The following PLXNB2 variants were observed in gnomAD, a reference collection of about 807,000 sequenced individuals.
PLXNB2 encodes plexin B2.
In PLXNB2, 85 loss-of-function variants were observed where a neutral mutation model predicts 202.6. The observed-to-expected ratio is 0.42, with a 90% CI of 0.35 to 0.50. The LOEUF is 0.50. Ranked by LOEUF, PLXNB2 falls within the 20% of genes least tolerant of loss-of-function variation. The probability of loss-of-function intolerance (pLI) is 0.02; values close to 1 mark genes in which losing one functional copy is unlikely to be tolerated. For synonymous variants in PLXNB2, 1,239 were observed against 1,137.6 expected, an observed-to-expected ratio of 1.09 and a Z score of -1.79; for missense variants, 2,063 against 2,586.2, an observed-to-expected ratio of 0.80 and a Z score of 4.39.
rs762483342 is a variant in PLXNB2 at position 50,280,724 on chromosome 22, C to A, written c.3993+20G>T. On this transcript the variant is annotated intron_variant, in intron 24 of 36. Coordinates refer to ENST00000359337, the MANE Select transcript of PLXNB2 (RefSeq NM_012401.4). ...CGGCGCCACCTGTGTGCCCTCCCGC[C>A]CGCCCGACGCCTGGCTCACATTGAT... 2 of 1,569,160 alleles carry A rather than the reference C, an allele frequency of 1.3e-6. No homozygotes were observed. Among genetic ancestry groups the A allele is most frequent in the East Asian group, 2.3e-5 (1 of 42,730 alleles).
intron 6 of PLXNB2, 26 bp downstream of exon 6, chr22:50,287,911 G>C (rs1331426214): frequency 1.3e-6 from 2 of 1,579,714 alleles, no homozygotes; most frequent in Non-Finnish European, 8.6e-7. Context: ...GGCAGGCCGT[G>C]TCCCCGAGCC....
chr22:50,307,487 T>C, intron 1 of PLXNB2, 66 bp downstream of exon 1: 1 of 880,692 alleles, frequency 1.1e-6, no homozygotes, highest in South Asian at 5.2e-5. Context: ...GGAGCGGCGC[T>C]GACGGCGAAG....
intron 1 of PLXNB2, among the ~76,000 whole-genome samples, chr22:50,305,153 A>AG (rs1274331507): frequency 2.0e-5 from 3 of 152,222 alleles, no homozygotes; most frequent in Non-Finnish European, 2.9e-5. Context: ...CCCGCGTCCC[A>AG]GGGGGACCAT....
rs1349059951 is a variant in PLXNB2, at chr22:50,291,022, C to A, written c.-13-425G>T. On this transcript the variant is annotated intron_variant, in intron 2 of 36. Coordinates refer to ENST00000359337, the MANE Select transcript of PLXNB2 (RefSeq NM_012401.4). This position sits in a 1 kb window ranked among gnomAD's most constrained non-coding sequence, Gnocchi z 4.3. ...GCCCCAGCGCACAGGCTCAGGCTGACAGACAGACCCCTGGACGTTGGAACA... is the reference window on the plus strand; with the variant it reads ...GCCCCAGCGCACAGGCTCAGGCTGAAAGACAGACCCCTGGACGTTGGAACA... 6.6e-6 allele frequency among the ~76,000 whole-genome samples: 1 copy of A among 152,172 alleles called. No individual in the cohort carries two copies. Among genetic ancestry groups the A allele is most frequent in the Non-Finnish European group, 1.5e-5 (1 of 68,024 alleles).
chr22:50,275,743 C>A lies in PLXNB2; in HGVS notation c.5478G>T (p.Gln1826His). The A allele has an allele frequency of 6.2e-7, 1 of 1,611,944 alleles. No individual in the cohort carries two copies. The highest frequency in any genetic ancestry group is 8.5e-7 in the Non-Finnish European group (1 of 1,179,436). The change falls in exon 37 of 37, where the codon CAG (glutamine) becomes CAT (histidine). Residue 1826 changes from glutamine (Q) to histidine (H), a missense_variant. Transcript: ENST00000359337. ...CCTTGTTCTCCAGTGCAGCGGCAAT[C>A]TGCTGCAGGCGGAAGGCCAGCTGCA... is the stretch of plus-strand genomic sequence containing the variant. ...QKMQLAFRLQQIAAALENKVT... is the reference protein window; with the variant it reads ...QKMQLAFRLQHIAAALENKVT...
chr22:50,275,892 G>A lies in PLXNB2; in HGVS notation c.5409C>T (p.Asp1803=), dbSNP rs778866905. Residue 1803 remains aspartate (D), a synonymous_variant, in exon 36 of 37, where the codon GAC becomes GAT. Transcript: ENST00000359337. ...GCCCCCGGGGGCCTGACCCTACCTC[G>A]TCATAGTACTTCTGCGTGTATTGGT... The part of the protein sequence containing the change: ...QLYQYTQKYY[D]EIINALEEDP... The A allele has an allele frequency of 1.9e-5, 30 of 1,612,390 alleles. No homozygotes were observed. The highest frequency in any genetic ancestry group is 6.7e-5 in the East Asian group (3 of 44,864).
intron 7 of PLXNB2, 27 bp downstream of exon 7, chr22:50,287,640 G>A (rs2066558039): frequency 6.5e-7 from 1 of 1,528,554 alleles, no homozygotes; most frequent in African/African-American, 1.4e-5. Context: ...TGGGGCCCAG[G>A]ACCCCCACCC....
intron 35 of PLXNB2, 114 bp from the exon 36 acceptor site, chr22:50,276,077 T>A: frequency 1.0e-6 from 1 of 958,952 alleles, no homozygotes; most frequent in Non-Finnish European, 1.6e-6. Context: ...GCTGGGGCCT[T>A]GGGCACAGCT....
Position 50,280,768 on chromosome 22 carries a change from C to A in PLXNB2, c.3969G>T (p.Leu1323=). ...CATTGATGAGGAAAGACTTGCTGTTCAGCAGGTTGGAGAACTGGTAGAGGG... is the reference window on the plus strand; with the variant it reads ...CATTGATGAGGAAAGACTTGCTGTTAAGCAGGTTGGAGAACTGGTAGAGGG... ...EQALYQFSNL[L]NSKSFLINFI... is the part of the protein sequence containing the mutation. The change falls in exon 24 of 37, where the codon CTG becomes CTT. Residue 1323 remains leucine, a synonymous_variant. Coordinates refer to ENST00000359337, the MANE Select transcript of PLXNB2 (RefSeq NM_012401.4). 1 of 1,395,944 alleles carries A rather than the reference C, an allele frequency of 7.2e-7. No individual in the cohort carries two copies. Among genetic ancestry groups the A allele is most frequent in the South Asian group, 1.1e-5 (1 of 88,256 alleles). The allele number at this position is 1,395,944 out of a possible 1,614,324, so 86.5% of individuals were successfully genotyped here.
intron 1 of PLXNB2, among the ~76,000 whole-genome samples, chr22:50,295,442 GAC>G (rs1419761007): frequency 2.6e-5 from 4 of 152,186 alleles, no homozygotes; most frequent in Non-Finnish European, 4.4e-5. Flanking sequence ...GTGGAATGGA[GAC>G]AGAATGGTGA....
At chr22:50,296,590 C>CAAAAAAAA (rs34197202) in intron 1 of PLXNB2, among the ~76,000 whole-genome samples, 29 of 56,428 alleles carry the variant, frequency 5.1e-4, no homozygotes, top group African/African-American at 1.9e-3. Context: ...GACTCTGTCT[C>CAAAAAAAA]AAAAAAAAAA....
chr22:50,280,714 G>GGGCGCCCCC, intron 24 of PLXNB2, 30 bp downstream of exon 24: 1 of 1,528,950 alleles, frequency 6.5e-7, no homozygotes, highest in Non-Finnish European at 8.9e-7. Context: ...CCACCTGTGT[G>GGGCGCCCCC]CCCTCCCGCC....
chr22:50,287,090 G>A, intron 8 of PLXNB2, 21 bp downstream of exon 8: 1 of 1,483,590 alleles, frequency 6.7e-7, no homozygotes, highest in Middle Eastern at 1.8e-4. Context: ...GGCCACCCGG[G>A]GGCTCGGGAA....
chr22:50,307,376 G>A (rs1236016454), intron 1 of PLXNB2, among the ~76,000 whole-genome samples, 177 bp downstream of exon 1: 2 of 151,646 alleles, frequency 1.3e-5, no homozygotes, highest in African/African-American at 4.8e-5. Flanking sequence ...AGCGGCCCGG[G>A]CCTCGCCGGA....
intron 17 of PLXNB2, 79 bp from the exon 18 acceptor site, chr22:50,282,960 C>A: frequency 1.3e-6 from 2 of 1,552,934 alleles, no homozygotes; most frequent in Admixed American, 1.9e-5. Flanking sequence ...GCCCCGCCAT[C>A]CCCTCAGGGC....
At chr22:50,276,809 T>C (rs1163166376) in intron 34 of PLXNB2, 33 bp downstream of exon 34, 3 of 1,599,518 alleles carry the variant, frequency 1.9e-6, no homozygotes, top group East Asian at 2.2e-5. Flanking sequence ...AGGGTGGGCA[T>C]GGGGGCCTGG....
At chr22:50,296,146 A>T (rs773492953) in intron 1 of PLXNB2, among the ~76,000 whole-genome samples, 6 of 151,254 alleles carry the variant, frequency 4.0e-5, no homozygotes, top group Non-Finnish European at 7.4e-5. Flanking sequence ...AGCAAGGAGG[A>T]GGCCACGGCA....
chr22:50,286,092 G>C lies in PLXNB2; in HGVS notation c.1884C>G (p.Ile628Met), dbSNP rs747427027. 1 of 1,612,238 alleles carries C rather than the reference G, an allele frequency of 6.2e-7. No individual in the cohort carries two copies. The highest frequency in any genetic ancestry group is 1.1e-5 in the South Asian group (1 of 91,080). Reference sequence around the variant, plus strand: ...AGGTCCAGCGGTTGCTCACGCAGGAGATGCACCTGCATCCAGAGGGGATCG... The same window carrying C: ...AGGTCCAGCGGTTGCTCACGCAGGACATGCACCTGCATCCAGAGGGGATCG... ...AMSLEENLPC[I>M]SCVSNRWTCQ... The change falls in exon 10 of 37, where the codon ATC (isoleucine) becomes ATG (methionine). Residue 628 changes from isoleucine to methionine, a missense_variant. Transcript: ENST00000359337.
chr22:50,301,343 C>T (rs952181284), intron 1 of PLXNB2: 22 of 971,760 alleles, frequency 2.3e-5, no homozygotes, highest in Non-Finnish European at 2.6e-5. Flanking sequence ...CGCAATGAAC[C>T]TACCGATGTC....
Sources: gnomAD v4.1 joint callset for allele counts (sites outside exome capture counted in the v4.1 genomes callset) on GRCh38, gnomAD v4.1.1 for gene constraint, Gnocchi (gnomAD v3.1) non-coding constraint, MANE v1.5 for transcripts, NCBI Gene and HGNC (gene_info 2026-07-23, HGNC 2026-07-21) for gene names.